The following NRG1 variants were observed in gnomAD, a reference collection of about 807,000 sequenced individuals.
NRG1 encodes pro-neuregulin-1, membrane-bound isoform.
NRG1 carries 18 observed loss-of-function variants against 63.8 expected under a neutral mutation model. The ratio of observed to expected loss-of-function variants is 0.28; its 90% CI spans 0.19 to 0.42. The LOEUF is 0.42. Ranked by LOEUF, NRG1 falls within the 10% of genes least tolerant of loss-of-function variation. The pLI is 1.00. For missense variants in NRG1, 762 were observed against 814.7 expected (o/e 0.94, Z 0.79); for synonymous variants, 302 against 301.3 (o/e 1.00, Z -0.02).
At chr8:32,234,218 A>G (rs1489056177) in intron 1 of NRG1, among the ~76,000 whole-genome samples, 1 of 152,202 alleles carries the variant, frequency 6.6e-6, no homozygotes, top group Non-Finnish European at 1.5e-5. Context: ...ATGTACATTT[A>G]CACTCTAATC....
At chr8:32,729,172 G>T (rs1324480244) in intron 6 of NRG1, among the ~76,000 whole-genome samples, 1 of 152,144 alleles carries the variant, frequency 6.6e-6, no homozygotes, top group Non-Finnish European at 1.5e-5. Context: ...TTTAAACCTT[G>T]TAGTAAAAAC....
At chr8:31,754,911 G>A (rs923935390) in intron 1 of NRG1, among the ~76,000 whole-genome samples, 6 of 152,014 alleles carry the variant, frequency 3.9e-5, no homozygotes, top group Non-Finnish European at 7.4e-5. Flanking sequence ...CTGGAGTGGG[G>A]GTTGATTTGG....
At chr8:31,956,038 C>G (rs1223386155) in intron 1 of NRG1, among the ~76,000 whole-genome samples, 1 of 58,214 alleles carries the variant, frequency 1.7e-5, no homozygotes, top group Non-Finnish European at 3.7e-5. Flanking sequence ...GAGAACCTGT[C>G]TCAAAAAAAA....
chr8:31,708,158 C>T (rs1455824761), intron 1 of NRG1, among the ~76,000 whole-genome samples: 2 of 152,152 alleles, frequency 1.3e-5, no homozygotes, highest in Non-Finnish European at 2.9e-5. Context: ...GTATTTAAGC[C>T]TTACTTGTAT....
intron 1 of NRG1, among the ~76,000 whole-genome samples, chr8:32,059,120 C>T (rs1823439228): frequency 6.6e-6 from 1 of 151,996 alleles, no homozygotes; most frequent in African/African-American, 2.4e-5. Context: ...GAAAAGATTC[C>T]TAGCATTTGA....
chr8:32,561,458 G>A (rs1447893737), intron 1 of NRG1, among the ~76,000 whole-genome samples: 1 of 152,210 alleles, frequency 6.6e-6, no homozygotes, highest in African/African-American at 2.4e-5. Context: ...TGGAAAAGGA[G>A]GGTAATGGGT....
intron 1 of NRG1, among the ~76,000 whole-genome samples, chr8:32,174,765 T>A (rs534277652): frequency 1.1e-4 from 16 of 152,122 alleles, no homozygotes; most frequent in Non-Finnish European, 1.8e-4. Context: ...ACATACACCC[T>A]CCCAAGACTA....
In NRG1 at chr8:32,713,887, C is replaced by T. The variant is rs190102444; in HGVS notation, c.503-14062C>T. 3.5e-3 allele frequency among the ~76,000 whole-genome samples: 530 copies of T among 151,224 alleles called. 3 individuals carry two copies. Among genetic ancestry groups the T allele is most frequent in the African/African-American group, 0.012 (514 of 41,222 alleles). ...TCACCCTGGCTGGAGTGCAGCGGTG[C>T]GATCTCAGCTCACTGCAACTTCTGC... On this transcript the variant is annotated intron_variant, in intron 5 of 11. Coordinates refer to ENST00000356819, the Ensembl canonical transcript of NRG1.
chr8:31,882,503 G>A (rs756391171), intron 1 of NRG1, among the ~76,000 whole-genome samples: 7 of 152,002 alleles, frequency 4.6e-5, no homozygotes, highest in Non-Finnish European at 2.9e-5. Flanking sequence ...CAATTTCAAC[G>A]TCTAAGTCTT....
chr8:32,659,742 C>T (rs1306160820), intron 5 of NRG1, among the ~76,000 whole-genome samples: 3 of 152,130 alleles, frequency 2.0e-5, no homozygotes, highest in Non-Finnish European at 4.4e-5. Flanking sequence ...GTCTTCATCC[C>T]GATGGACCAT....
At chr8:31,705,317 A>G (rs1811045546) in intron 1 of NRG1, among the ~76,000 whole-genome samples, 1 of 152,054 alleles carries the variant, frequency 6.6e-6, no homozygotes, top group Non-Finnish European at 1.5e-5. Context: ...AAGTGCTGGG[A>G]TTACAGGCGT....
At chr8:32,348,935 A>G (rs1031402263) in intron 1 of NRG1, among the ~76,000 whole-genome samples, 1 of 152,218 alleles carries the variant, frequency 6.6e-6, no homozygotes, top group African/African-American at 2.4e-5. Flanking sequence ...ACAAGATCCA[A>G]ACATTATGCA....
At chr8:31,765,751 T>C (rs985812591) in intron 1 of NRG1, among the ~76,000 whole-genome samples, 19 of 152,098 alleles carry the variant, frequency 1.2e-4, no homozygotes, top group Non-Finnish European at 1.6e-4. Flanking sequence ...GGAAAAGAGG[T>C]CAGAATTTGG....
rs1487957614 is a variant in NRG1, at chr8:32,424,408, G to C, written c.38-171420G>C. Among the ~76,000 whole-genome samples, 3 of 152,116 alleles carry C rather than the reference G, an allele frequency of 2.0e-5. No individual in the cohort carries two copies. In the East Asian group the frequency reaches 5.8e-4, roughly 29 times the overall value. On this transcript the variant is annotated intron_variant, in intron 1 of 10. Transcript: ENST00000519301. ...GTTTAGAAAAGGTAATCTTTTTGGG[G>C]TTCAATGAGATCAAAAGCACGGATA...
intron 1 of NRG1, among the ~76,000 whole-genome samples, chr8:32,142,978 G>A (rs1032920028): frequency 2.6e-5 from 4 of 152,274 alleles, no homozygotes; most frequent in Admixed American, 6.5e-5. Context: ...TGTGGTAAAC[G>A]TGAGGCAAAC....
At chr8:32,481,113 G>A (rs557207607) in intron 1 of NRG1, among the ~76,000 whole-genome samples, 1 of 152,276 alleles carries the variant, frequency 6.6e-6, no homozygotes, top group East Asian at 1.9e-4. Context: ...GGAGGCCAAG[G>A]CAGGCAGATT....
intron 1 of NRG1, among the ~76,000 whole-genome samples, chr8:31,819,290 C>T (rs1823776967): frequency 6.6e-6 from 1 of 152,050 alleles, no homozygotes; most frequent in Non-Finnish European, 1.5e-5. Flanking sequence ...AAGTATAAAA[C>T]AAAATCTATC....
rs76692204 is a variant in NRG1, at chr8:32,646,165, G to A, written c.502+29280G>A. Among the ~76,000 whole-genome samples the A allele has an allele frequency of 3.1e-3, 471 of 152,194 alleles. 6 individuals are homozygous for A. Among genetic ancestry groups the A allele is most frequent in the African/African-American group, 0.011 (455 of 41,532 alleles). On this transcript the variant is annotated intron_variant, in intron 5 of 11. Coordinates refer to ENST00000356819, the Ensembl canonical transcript of NRG1. ...GCTTGACATTATTAGTCTTCTTTGG[G>A]TGAGATAGAATAAATGGAAATTCAA...
At chr8:32,143,341 A>G (rs1374708722) in intron 1 of NRG1, among the ~76,000 whole-genome samples, 1 of 152,218 alleles carries the variant, frequency 6.6e-6, no homozygotes, top group Admixed American at 6.5e-5. Flanking sequence ...AATTAGAACC[A>G]GAAATCTCCT....
Sources: allele counts gnomAD v4.1 joint callset (sites outside exome capture counted in the v4.1 genomes callset), GRCh38; gene constraint gnomAD v4.1.1; transcripts MANE v1.5; gene names NCBI Gene and HGNC (gene_info 2026-07-23, HGNC 2026-07-21).